The following FRYL variants were observed in gnomAD, a reference collection of about 807,000 sequenced individuals.
The protein encoded by FRYL is FRY like transcription coactivator, also known as protein furry homolog-like.
In FRYL, 150 loss-of-function variants were observed where a neutral mutation model predicts 351.2. The observed-to-expected ratio is 0.43, with a 90% CI of 0.37 to 0.49. The LOEUF (loss-of-function observed/expected upper bound fraction) is 0.49. FRYL is among the 20% of genes least tolerant of loss of function. The pLI is 0.00. For missense variants in FRYL, 3,036 were observed against 3,619.3 expected (o/e 0.84, Z 4.13); for synonymous variants, 1,153 against 1,257.1 (o/e 0.92, Z 1.75).
At chr4:48,712,435 A>G (rs1173541651) in intron 1 of FRYL, among the ~76,000 whole-genome samples, 2 of 152,234 alleles carry the variant, frequency 1.3e-5, no homozygotes, top group East Asian at 3.8e-4. Context: ...AAGCCTCAAG[A>G]GCCGATGCGA....
intron 3 of FRYL, among the ~76,000 whole-genome samples, chr4:48,642,379 T>A (rs1378704300): frequency 1.3e-5 from 2 of 152,168 alleles, no homozygotes; most frequent in Admixed American, 1.3e-4. Context: ...AAAAAATGTA[T>A]ACTTTCCTTC....
intron 19 of FRYL, among the ~76,000 whole-genome samples, chr4:48,584,335 G>C (rs769140950): frequency 6.6e-6 from 1 of 152,188 alleles, no homozygotes; most frequent in Non-Finnish European, 1.5e-5. Context: ...GTGTGGTTTA[G>C]GAGAAAGGAG....
At chr4:48,779,501 C>G (rs6853588) in intron 1 of FRYL, among the ~76,000 whole-genome samples, 62,906 of 151,970 alleles carry the variant, frequency 0.41, 14,313 homozygotes, top group Admixed American at 0.56. Context: ...CCCGGCTGGG[C>G]TGGCGCGCTC....
rs1747509358 is a variant in FRYL at position 48,609,165 on chromosome 4, A to G, written c.492-98T>C. On this transcript the variant is annotated intron_variant, in intron 8 of 63. Transcript: ENST00000358350. ...AAATTCCTTATCAGAGTATTGTATA[A>G]TTTTCTCTGAATATTCATTTATATG... 3 of 707,342 alleles carry G rather than the reference A, an allele frequency of 4.2e-6. No homozygotes were observed. In the South Asian group the frequency reaches 5.2e-5, roughly 12 times the overall value. The allele number at this position is 707,342 out of a possible 1,614,324, so 43.8% of individuals were successfully genotyped here. A position where few individuals can be genotyped will look rare whatever the true frequency, so the allele number is the denominator to read the frequency against.
intron 3 of FRYL, among the ~76,000 whole-genome samples, chr4:48,678,592 A>T (rs1376109942): frequency 6.6e-6 from 1 of 151,774 alleles, no homozygotes; most frequent in African/African-American, 2.4e-5. Context: ...TTTAAAACCA[A>T]ATCTCTCTAC....
At position 48,565,604 on chromosome 4, in the gene FRYL, A is replaced by T; in HGVS notation, c.3257T>A (p.Ile1086Asn). 1 of 1,613,984 alleles carries T rather than the reference A, an allele frequency of 6.2e-7. No homozygotes were observed. The highest frequency in any genetic ancestry group is 8.5e-7 in the Non-Finnish European group (1 of 1,179,952). The change falls in exon 29 of 64, where the codon ATC (isoleucine) becomes AAC (asparagine). Residue 1086 changes from isoleucine to asparagine, a missense_variant. By Grantham distance (149) the Ile-to-Asn change is moderately radical. Coordinates refer to ENST00000358350, the MANE Select transcript of FRYL (RefSeq NM_015030.2). ...LFSHWAGPFS[I>N]MFTPLDRYSD... ...GTATCTGTCCAAGGGCGTAAACATG[A>T]TGCTAAAAGGACCTGCCCAGTGACT...
At chr4:48,511,856 T>C (rs565918157) in intron 57 of FRYL, among the ~76,000 whole-genome samples, 2 of 152,288 alleles carry the variant, frequency 1.3e-5, no homozygotes, top group South Asian at 4.1e-4. Flanking sequence ...AGGTGGTAGA[T>C]AGTTCAGAGG....
chr4:48,673,568 T>A (rs557345698), intron 3 of FRYL, among the ~76,000 whole-genome samples: 86 of 149,648 alleles, frequency 5.7e-4, no homozygotes, highest in African/African-American at 1.9e-3. Context: ...ACTAGTCTTT[T>A]AAAAAAAAAA....
chr4:48,500,183 C>A lies in FRYL; in HGVS notation c.8630G>T (p.Ser2877Ile). The change falls in exon 63 of 64, where the codon AGT (serine) becomes ATT (isoleucine). Residue 2877 changes from serine to isoleucine, a missense_variant. Ser to Ile is a moderately radical substitution (Grantham distance 142). Around this residue, in one of 7 missense-constraint regions of FRYL, gnomAD observed 1,987 missense variants for 2,311.7 expected, o/e 0.86. Coordinates refer to ENST00000358350, the MANE Select transcript of FRYL (RefSeq NM_015030.2). ...NMSEELAQLESILKEAESASE... is the reference protein window; with the variant it reads ...NMSEELAQLEIILKEAESASE... ...AGCGGACTCAGCTTCTTTGAGGATA[C>A]TTTCCAGTTGGGCAAGTTCCTCTGA... The A allele has an allele frequency of 6.3e-7, 1 of 1,596,902 alleles. No individual in the cohort carries two copies. The highest frequency in any genetic ancestry group is 8.5e-7 in the Non-Finnish European group (1 of 1,176,450).
At chr4:48,675,314 T>A (rs1264937861) in intron 3 of FRYL, among the ~76,000 whole-genome samples, 3 of 152,186 alleles carry the variant, frequency 2.0e-5, no homozygotes, top group African/African-American at 4.8e-5. Flanking sequence ...TGGAGCCCAC[T>A]CCCTCACCTT....
At chr4:48,656,013 T>C (rs1434848711) in intron 3 of FRYL, among the ~76,000 whole-genome samples, 5 of 138,396 alleles carry the variant, frequency 3.6e-5, no homozygotes, top group Admixed American at 1.5e-4. Context: ...ATGTAAAATA[T>C]ATAATGTAAA....
In FRYL at chr4:48,729,788, C is replaced by T. The variant is rs1055744705; in HGVS notation, c.-383-19090G>A. ...ATAAAACCACAAAGATGGAGAGAAG[C>T]CACAGCAGAAAGGCTGAAAAGTCCA... On this transcript the variant is annotated intron_variant, in intron 1 of 63. Coordinates refer to ENST00000358350, the MANE Select transcript of FRYL (RefSeq NM_015030.2). Among the ~76,000 whole-genome samples, 9 of 152,134 alleles carry T rather than the reference C, an allele frequency of 5.9e-5. No individual in the cohort carries two copies. In the East Asian group the frequency reaches 1.5e-3, roughly 26 times the overall value.
chr4:48,545,997 A>G, intron 42 of FRYL, 70 bp downstream of exon 42: 9 of 1,395,512 alleles, frequency 6.4e-6, no homozygotes. Context: ...AATATGGCTC[A>G]TAATACCTGA....
intron 1 of FRYL, among the ~76,000 whole-genome samples, chr4:48,711,236 G>C (rs1359378797): frequency 6.6e-6 from 1 of 150,918 alleles, no homozygotes; most frequent in African/African-American, 2.4e-5. Flanking sequence ...GCAGCGCACC[G>C]TGCGCGAGCC....
chr4:48,535,708 C>T lies in FRYL; in HGVS notation c.6513G>A (p.Leu2171=), dbSNP rs764622689. Residue 2171 remains leucine, a synonymous_variant, in exon 48 of 64, where the codon CTG becomes CTA. Coordinates refer to ENST00000358350, the MANE Select transcript of FRYL (RefSeq NM_015030.2). The part of the protein sequence containing the change: ...SNWINVVCRY[L]HDSFSDTTFN... ...ATGTTGTATCTGAGAAGGAGTCATG[C>T]AGGTATCTGCACACGACATTGATCC... is the stretch of plus-strand genomic sequence containing the variant. 2 of 1,606,482 alleles carry T rather than the reference C, an allele frequency of 1.2e-6. No individual in the cohort carries two copies. Among genetic ancestry groups the T allele is most frequent in the Non-Finnish European group, 8.5e-7 (1 of 1,176,332 alleles).
rs1738756824 is a variant in FRYL, at chr4:48,573,176, C to T, written c.2904+10G>A. On this transcript the variant is annotated intron_variant, in intron 26 of 63. Coordinates refer to ENST00000358350, the MANE Select transcript of FRYL (RefSeq NM_015030.2). ...TGTTCACTAATACAAGGCTGCAGAA[C>T]ACAGCTCACCTCTGGCCTTCTTTCG... The T allele has an allele frequency of 6.2e-7, 1 of 1,605,312 alleles. No individual in the cohort carries two copies. Among genetic ancestry groups the T allele is most frequent in the Non-Finnish European group, 8.5e-7 (1 of 1,172,622 alleles).
intron 7 of FRYL, among the ~76,000 whole-genome samples, chr4:48,614,950 C>A (rs1205993219): frequency 6.7e-6 from 1 of 150,160 alleles, no homozygotes; most frequent in Non-Finnish European, 1.5e-5. Flanking sequence ...CCTCAGCCTC[C>A]CAAGTAGCTG....
At chr4:48,690,909 A>G (rs1765621176) in intron 2 of FRYL, among the ~76,000 whole-genome samples, 1 of 152,224 alleles carries the variant, frequency 6.6e-6, no homozygotes, top group Admixed American at 6.5e-5. Context: ...CTAGAAGAGA[A>G]AAATGAATAA....
chr4:48,751,699 GAAT>G (rs1773263369), intron 1 of FRYL, among the ~76,000 whole-genome samples: 1 of 152,098 alleles, frequency 6.6e-6, no homozygotes, highest in Non-Finnish European at 1.5e-5. Context: ...TCAAAAGACA[GAAT>G]AATTAAGAAG....
Sources: allele counts gnomAD v4.1 joint callset (sites outside exome capture counted in the v4.1 genomes callset), GRCh38; gene constraint gnomAD v4.1.1; regional missense constraint gnomAD v4.1.1; transcripts MANE v1.5; gene names NCBI Gene and HGNC (gene_info 2026-07-23, HGNC 2026-07-21).